The following C2 variants were observed in gnomAD, a reference collection of about 807,000 sequenced individuals.
C2 encodes the protein complement C2, also known as C3/C5 convertase.
A neutral mutation model predicts 85.2 loss-of-function variants in C2; 64 were observed. The ratio of observed to expected loss-of-function variants is 0.75; its 90% CI spans 0.61 to 0.92. C2 has a LOEUF of 0.92. Among genes scored for constraint, C2 ranks in the 40% least tolerant of loss-of-function variants. The pLI is 0.00. For missense variants in C2, 820 were observed against 971.6 expected (o/e 0.84, Z 2.07); for synonymous variants, 311 against 370.8 (o/e 0.84, Z 1.85).
Position 31,933,606 on chromosome 6 carries a change from G to C in C2, c.443-4G>C, listed in dbSNP as rs9332719. 1 of 1,612,986 alleles carries C rather than the reference G, an allele frequency of 6.2e-7. No individual in the cohort carries two copies. The highest frequency in any genetic ancestry group is 8.5e-7 in the Non-Finnish European group (1 of 1,180,032). On this transcript the variant is annotated splice_region_variant and splice_polypyrimidine_tract_variant and intron_variant, in intron 3 of 17. Transcript: ENST00000299367. ...CACCTCTGCCTTCCTTTGTTCACTC[G>C]CAGCTGGCCACTGCCCCAACCCAGG...
chr6:31,913,538 T>G (rs1289084032), intron 1 of C2, among the ~76,000 whole-genome samples: 1 of 152,176 alleles, frequency 6.6e-6, no homozygotes, highest in Non-Finnish European at 1.5e-5. Context: ...ACCGTGCCAT[T>G]GCACTCCAGT....
upstream of C2, among the ~76,000 whole-genome samples, chr6:31,917,017 C>CA (rs1368728041): frequency 2.0e-5 from 3 of 150,244 alleles, no homozygotes; most frequent in Non-Finnish European, 4.4e-5. Flanking sequence ...ACTAAAAATA[C>CA]AAAAATTAGC....
At chr6:31,899,947 C>T (rs1484089447), upstream of C2, 3 of 1,589,820 alleles carry the variant, frequency 1.9e-6, no homozygotes, top group Admixed American at 1.7e-5. Flanking sequence ...GGACGTTAAT[C>T]TCGGCCACAC....
At chr6:31,932,345 C>T (rs1156378108) in intron 3 of C2, 7 of 203,104 alleles carry the variant, frequency 3.4e-5, no homozygotes, top group East Asian at 3.5e-4. Flanking sequence ...CGGAGGGGCT[C>T]CTCACTTCTC....
Position 31,942,978 on chromosome 6 carries a change from G to A in C2, c.1239G>A (p.Val413=), listed in dbSNP as rs751253087. ...CACCAGACATCTATGCCATCGGGGT[G>A]GGCAAGCTGGATGTGGACTGGAGAG... ...NDYLDIYAIG[V]GKLDVDWREL... The change falls in exon 10 of 18, where the codon GTG becomes GTA. Residue 413 remains valine (V), a synonymous_variant. Coordinates refer to ENST00000299367, the MANE Select transcript of C2 (RefSeq NM_000063.6). 2 of 1,613,100 alleles carry A rather than the reference G, an allele frequency of 1.2e-6. No individual in the cohort carries two copies. The highest frequency in any genetic ancestry group is 2.2e-5 in the South Asian group (2 of 91,086).
intron 1 of C2, among the ~76,000 whole-genome samples, chr6:31,907,711 C>T (rs927059017): frequency 3.3e-5 from 5 of 151,478 alleles, no homozygotes; most frequent in African/African-American, 1.2e-4. Context: ...CAGAGTCTTG[C>T]TCTGTCGCCA....
chr6:31,907,062 C>G (rs1767756791), intron 1 of C2, among the ~76,000 whole-genome samples: 1 of 151,098 alleles, frequency 6.6e-6, no homozygotes, highest in South Asian at 2.1e-4. Flanking sequence ...ATTGCTTGAA[C>G]CTGGGAGGCA....
At chr6:31,902,221 C>T (rs1343094988) in intron 1 of C2, among the ~76,000 whole-genome samples, 1 of 151,122 alleles carries the variant, frequency 6.6e-6, no homozygotes, top group Non-Finnish European at 1.5e-5. Context: ...AGCGGAAATA[C>T]GTTCCACACC....
chr6:31,937,019 C>T, intron 7 of C2: 1 of 374,408 alleles, frequency 2.7e-6, no homozygotes, highest in Non-Finnish European at 5.0e-6. Context: ...ACCAGCTTGG[C>T]CAACATGGTG....
chr6:31,917,309 A>T (rs1216608554), upstream of C2, among the ~76,000 whole-genome samples: 1 of 152,194 alleles, frequency 6.6e-6, no homozygotes, highest in Non-Finnish European at 1.5e-5. Context: ...ATAAAAAAAA[A>T]AAATTAAATC....
intron 1 of C2, among the ~76,000 whole-genome samples, chr6:31,911,858 G>C (rs894477622): frequency 6.6e-6 from 1 of 151,264 alleles, no homozygotes; most frequent in African/African-American, 2.4e-5. Context: ...TCGCACTCCT[G>C]ACCTCAGGTG....
rs150248147 is a variant in C2 at position 31,921,574 on chromosome 6, A to G, written c.-100+1548A>G. Reference sequence around the variant, plus strand: ...GAAGAGGCACTACCACTTGGTGGCTATGAGTGTGGACCCAGGAGCCATGCT... The same window carrying G: ...GAAGAGGCACTACCACTTGGTGGCTGTGAGTGTGGACCCAGGAGCCATGCT... On this transcript the variant is annotated intron_variant, in intron 1 of 3. Transcript: ENST00000413154. The surrounding 1 kb of genome is among the most constrained non-coding windows in gnomAD (Gnocchi z 4.6). Among the ~76,000 whole-genome samples the G allele has an allele frequency of 1.3e-3, 191 of 152,130 alleles. No individual in the cohort carries two copies. The highest frequency in any genetic ancestry group is 6.8e-3 in the Middle Eastern group (2 of 294).
upstream of C2, among the ~76,000 whole-genome samples, chr6:31,923,196 G>A (rs1769075889): frequency 6.6e-6 from 1 of 152,210 alleles, no homozygotes; most frequent in Non-Finnish European, 1.5e-5. Context: ...GGCATCTTTA[G>A]CCCCACAGGT....
chr6:31,938,972 T>G (rs1355703928), intron 8 of C2, among the ~76,000 whole-genome samples: 1 of 152,106 alleles, frequency 6.6e-6, no homozygotes, highest in Non-Finnish European at 1.5e-5. Context: ...TAATTTTTTG[T>G]GGTTTTAGTA....
At chr6:31,910,927 C>G (rs1190675722) in intron 1 of C2, among the ~76,000 whole-genome samples, 2 of 151,816 alleles carry the variant, frequency 1.3e-5, no homozygotes, top group Admixed American at 1.3e-4. Context: ...TTGCAGTGAG[C>G]CGAGATCGTG....
rs1451052919 is a variant in C2, at chr6:31,944,740, C to T, written c.1916C>T (p.Ala639Val). The change falls in exon 16 of 18, where the codon GCC becomes GTC. Residue 639 changes from alanine (A) to valine (V), a missense_variant. Coordinates refer to ENST00000299367, the MANE Select transcript of C2 (RefSeq NM_000063.6). This position sits in a 1 kb window ranked among gnomAD's most constrained non-coding sequence, Gnocchi z 5.1. ...LKMGVEWTSCAEVVSQEKTMF... is the reference protein window; with the variant it reads ...LKMGVEWTSCVEVVSQEKTMF... ...CCCCTGCTGCAGTGGACAAGCTGTG[C>T]CGAGGTTGTCTCCCAAGAAAAAACC... 1 of 1,613,072 alleles carries T rather than the reference C, an allele frequency of 6.2e-7. No individual in the cohort carries two copies. The highest frequency in any genetic ancestry group is 8.5e-7 in the Non-Finnish European group (1 of 1,180,030).
intron 1 of C2, among the ~76,000 whole-genome samples, chr6:31,911,184 A>G (rs1768071582): frequency 1.3e-5 from 2 of 151,544 alleles, no homozygotes; most frequent in African/African-American, 4.9e-5. Context: ...CTGTAGTCCC[A>G]GCTACTCGAG....
chr6:31,910,429 G>A (rs977706946), intron 1 of C2, among the ~76,000 whole-genome samples: 1 of 147,266 alleles, frequency 6.8e-6, no homozygotes. Context: ...CCCAGGAACA[G>A]GTGATCCTCC....
intron 1 of C2, among the ~76,000 whole-genome samples, chr6:31,905,415 G>C (rs1454859823): frequency 6.9e-6 from 1 of 145,036 alleles, no homozygotes; most frequent in Non-Finnish European, 1.5e-5. Flanking sequence ...TCCAGCCTGG[G>C]CAACAGAATG....
Sources: allele counts gnomAD v4.1 joint callset (sites outside exome capture counted in the v4.1 genomes callset), GRCh38; gene constraint gnomAD v4.1.1; non-coding constraint Gnocchi (gnomAD v3.1); transcripts MANE v1.5; gene names NCBI Gene and HGNC (gene_info 2026-07-23, HGNC 2026-07-21).